AKAP11: variants seen among roughly 807,000 people sequenced by gnomAD.
The protein encoded by AKAP11 is A-kinase anchor protein 11.
A neutral mutation model predicts 146.1 loss-of-function variants in AKAP11; 36 were observed. The ratio of observed to expected loss-of-function variants is 0.25; its 90% CI spans 0.19 to 0.33. AKAP11 has a LOEUF of 0.33. Among genes scored for constraint, AKAP11 ranks in the 10% least tolerant of loss-of-function variants. The probability of loss-of-function intolerance (pLI) is 1.00; values close to 1 mark genes in which losing one functional copy is unlikely to be tolerated. For missense variants in AKAP11, 2,201 were observed against 2,197.0 expected, an observed-to-expected ratio of 1.00 and a Z score of -0.04; for synonymous variants, 780 against 786.5, an observed-to-expected ratio of 0.99 and a Z score of 0.14.
At chr13:42,314,031 G>C (rs1960695150) in intron 11 of AKAP11, 91 bp downstream of exon 11, 1 of 1,285,918 alleles carries the variant, frequency 7.8e-7, no homozygotes, top group Admixed American at 1.8e-5. Context: ...ATAGGCTCTA[G>C]GTTATCAGTG....
At chr13:42,305,308 A>G (rs1960195903) in intron 8 of AKAP11, among the ~76,000 whole-genome samples, 1 of 152,220 alleles carries the variant, frequency 6.6e-6, no homozygotes, top group African/African-American at 2.4e-5. Context: ...AGGGAGATAT[A>G]GCTTGGCCAG....
Position 42,302,155 on chromosome 13 carries a change from C to T in AKAP11, c.3409C>T (p.Pro1137Ser). The T allele has an allele frequency of 1.9e-6, 3 of 1,614,142 alleles. No individual in the cohort carries two copies. The highest frequency in any genetic ancestry group is 2.5e-6 in the Non-Finnish European group (3 of 1,179,978). ...ELAKEFAPAT[P>S]PSTPHNSSVG... The stretch of plus-strand genomic sequence containing the variant: ...AGCCAAAGAGTTTGCACCTGCTACA[C>T]CACCTTCTACTCCACACAACTCATC... Residue 1137 changes from proline (P) to serine (S), a missense_variant, in exon 8 of 13, where the codon CCA (proline) becomes TCA (serine). Pro to Ser is a moderately conservative substitution (Grantham distance 74). Coordinates refer to ENST00000025301, the MANE Select transcript of AKAP11 (RefSeq NM_016248.4).
chr13:42,283,330 A>G (rs1959102085), intron 1 of AKAP11, among the ~76,000 whole-genome samples: 1 of 152,212 alleles, frequency 6.6e-6, no homozygotes, highest in South Asian at 2.1e-4. Context: ...ATTTCAAACA[A>G]TGATTTGAAT....
At position 42,300,117 on chromosome 13, in the gene AKAP11, T is replaced by A; in HGVS notation, c.1371T>A (p.Pro457=). Residue 457 remains proline (P), a synonymous_variant, in exon 8 of 13, where the codon CCT becomes CCA. Coordinates refer to ENST00000025301, the MANE Select transcript of AKAP11 (RefSeq NM_016248.4). ...CTATTCGATCCTCTGCTTTTAGTCC[T>A]CTTGGAGGCTGTACTCCAGCTGAAT... ...FSPIRSSAFS[P]LGGCTPAECF... The A allele has an allele frequency of 6.2e-7, 1 of 1,613,980 alleles. No individual in the cohort carries two copies. The highest frequency in any genetic ancestry group is 1.3e-5 in the African/African-American group (1 of 75,036).
chr13:42,300,075 T>C lies in AKAP11; in HGVS notation c.1329T>C (p.Asp443=), dbSNP rs1959768636. ...GCCCAGTGAAGGCATCAAGGGAAGA[T>C]AGTGGTTTATTTAGTCCTATTCGAT... ...SPRPVKASRE[D]SGLFSPIRSS... Residue 443 remains aspartate, a synonymous_variant, in exon 8 of 13, where the codon GAT becomes GAC. Transcript: ENST00000025301. The C allele has an allele frequency of 6.2e-7, 1 of 1,613,960 alleles. No individual in the cohort carries two copies. The highest frequency in any genetic ancestry group is 8.5e-7 in the Non-Finnish European group (1 of 1,179,846).
intron 1 of AKAP11, among the ~76,000 whole-genome samples, chr13:42,279,072 C>A (rs1958995713): frequency 6.6e-6 from 1 of 151,324 alleles, no homozygotes; most frequent in Non-Finnish European, 1.5e-5. Context: ...AATATTTTTT[C>A]TTTATCACTG....
rs115347698 is a variant in AKAP11 at position 42,312,909 on chromosome 13, C to T, written c.5274-138C>T. On this transcript the variant is annotated intron_variant, in intron 9 of 12. Transcript: ENST00000025301. ...TTAGCATAGGAGTGATGGTCAATCT[C>T]CTCTCTGGATGTTCCCCTTCACTGT... 2,183 of 685,206 alleles carry T rather than the reference C, an allele frequency of 3.2e-3. 26 individuals are homozygous for T. The African/African-American group carries it at 0.036, about 11-fold the overall frequency. 42.4% of individuals were successfully genotyped at this position (685,206 alleles called of 1,614,324 possible).
At chr13:42,295,219 A>G (rs941774490) in intron 4 of AKAP11, among the ~76,000 whole-genome samples, 3 of 152,194 alleles carry the variant, frequency 2.0e-5, no homozygotes, top group Admixed American at 1.3e-4. Flanking sequence ...GCAACTGTGA[A>G]GTCCTTAGGC....
upstream of AKAP11, chr13:42,272,090 A>G (rs1013297206): frequency 1.1e-4 from 1 of 9,496 alleles, no homozygotes; most frequent in South Asian, 1.9e-3. Context: ...AGGGGTGGGC[A>G]GGGCGGGGGC....
At chr13:42,298,461 A>G (rs1959640383) in intron 6 of AKAP11, 72 bp from the exon 7 acceptor site, 3 of 1,499,500 alleles carry the variant, frequency 2.0e-6, no homozygotes, top group Non-Finnish European at 1.8e-6. Context: ...ATTGTCTTAT[A>G]TCTAGGCTTT....
At chr13:42,308,660 A>G (rs1274854776) in intron 9 of AKAP11, 51 bp downstream of exon 9, 1 of 1,390,530 alleles carries the variant, frequency 7.2e-7, no homozygotes, top group East Asian at 2.4e-5. Context: ...CAGATCTTAG[A>G]AGTGAGCTAT....
At chr13:42,274,400 T>G (rs1958861614) in intron 1 of AKAP11, among the ~76,000 whole-genome samples, 1 of 152,188 alleles carries the variant, frequency 6.6e-6, no homozygotes, top group South Asian at 2.1e-4. Context: ...AAAATACTTC[T>G]GGGCCAGGCT....
chr13:42,299,965 G>T lies in AKAP11; in HGVS notation c.1219G>T (p.Ala407Ser), dbSNP rs1594331675. 6 of 1,613,942 alleles carry T rather than the reference G, an allele frequency of 3.7e-6. No homozygotes were observed. Among genetic ancestry groups the T allele is most frequent in the Middle Eastern group, 1.6e-4 (1 of 6,062 alleles). ...NPQKFKFDRP[A>S]LPANVRKPTP... ...TCAAAAATTCAAGTTTGATCGTCCA[G>T]CTCTCCCAGCTAATGTTAGAAAGCC... is the stretch of plus-strand genomic sequence containing the variant. The change falls in exon 8 of 13, where the codon GCT becomes TCT. Residue 407 changes from alanine (A) to serine (S), a missense_variant. By Grantham distance (99) the Ala-to-Ser change is moderately conservative. Transcript: ENST00000025301.
At chr13:42,303,956 A>G (rs933397002) in intron 8 of AKAP11, 93 bp downstream of exon 8, 3 of 1,404,408 alleles carry the variant, frequency 2.1e-6, no homozygotes, top group Non-Finnish European at 2.8e-6. Context: ...AGGAATGATT[A>G]TTTTTAACCC....
At chr13:42,294,661 A>G (rs977157472) in intron 4 of AKAP11, among the ~76,000 whole-genome samples, 1 of 152,172 alleles carries the variant, frequency 6.6e-6, no homozygotes, top group African/African-American at 2.4e-5. Flanking sequence ...TCAGCCTCCC[A>G]AAGTGCTGGG....
rs376664494 is a variant in AKAP11 at position 42,303,222 on chromosome 13, A to G, written c.4476A>G (p.Lys1492=). 5 of 1,614,004 alleles carry G rather than the reference A, an allele frequency of 3.1e-6. No homozygotes were observed. The African/African-American group carries it at 6.7e-5, about 22-fold the overall frequency. ...KSLTDSCLFE[K]SGYEEDNECH... is the part of the protein sequence containing the mutation. ...TAACAGATTCTTGCTTGTTTGAAAA[A>G]TCTGGATATGAAGAAGATAATGAGT... is the stretch of plus-strand genomic sequence containing the variant. The change falls in exon 8 of 13, where the codon AAA becomes AAG. Residue 1492 remains lysine (K), a synonymous_variant. Transcript: ENST00000025301.
chr13:42,319,284 T>C lies in AKAP11; in HGVS notation c.*56T>C. 6.4e-7 allele frequency: 1 copy of C among 1,574,014 alleles called. No homozygotes were observed. Among genetic ancestry groups the C allele is most frequent in the African/African-American group, 1.4e-5 (1 of 73,240 alleles). ...TTGTTTGGGGAGGGGAACAAGCCAA[T>C]AAAGATGTTTAGGATAAAATTTGAA... On this transcript the variant is annotated 3_prime_UTR_variant, in exon 13 of 13. Transcript: ENST00000025301.
In AKAP11 at chr13:42,299,819, G is replaced by T; in HGVS notation, c.1073G>T (p.Ser358Ile). 6.2e-7 allele frequency: 1 copy of T among 1,613,708 alleles called. No individual in the cohort carries two copies. Among genetic ancestry groups the T allele is most frequent in the Non-Finnish European group, 8.5e-7 (1 of 1,179,840 alleles). The change falls in exon 8 of 13, where the codon AGT (serine) becomes ATT (isoleucine). Residue 358 changes from serine (S) to isoleucine (I), a missense_variant. By Grantham distance (142) the Ser-to-Ile change is moderately radical. This residue lies in a region of AKAP11 where 1,867 missense variants were observed against 1,833.5 expected (regional missense o/e 1.02). Coordinates refer to ENST00000025301, the MANE Select transcript of AKAP11 (RefSeq NM_016248.4). Reference protein sequence around the residue: ...SDSEVSEFFDSFDQFDELEQT... With the variant: ...SDSEVSEFFDIFDQFDELEQT... ...TCAGAAGTAAGTGAATTTTTTGATA[G>T]TTTTGATCAGTTTGATGAACTAGAA... is the stretch of plus-strand genomic sequence containing the variant.
chr13:42,300,335 A>T lies in AKAP11; in HGVS notation c.1589A>T (p.His530Leu), dbSNP rs1959789418. 6.2e-7 allele frequency: 1 copy of T among 1,608,498 alleles called. No homozygotes were observed. The highest frequency in any genetic ancestry group is 8.5e-7 in the Non-Finnish European group (1 of 1,178,310). ...GAAAATAAAACTGTAACTTTTAAGC[A>T]TGGAAACCTTGATCAAAAAAATAAA... is the stretch of plus-strand genomic sequence containing the variant. ...HGENKTVTFK[H>L]GNLDQKNKSK... The change falls in exon 8 of 13, where the codon CAT becomes CTT. Residue 530 changes from histidine (H) to leucine (L), a missense_variant. By Grantham distance (99) the His-to-Leu change is moderately conservative (BLOSUM62 -3). Transcript: ENST00000025301.
Sources: allele counts gnomAD v4.1 joint callset (sites outside exome capture counted in the v4.1 genomes callset), GRCh38; gene constraint gnomAD v4.1.1; regional missense constraint gnomAD v4.1.1; transcripts MANE v1.5; gene names NCBI Gene and HGNC (gene_info 2026-07-23, HGNC 2026-07-21).